MUC22: variants seen among roughly 807,000 people sequenced by gnomAD.
The protein encoded by MUC22 is mucin-22.
A neutral mutation model predicts 40.3 loss-of-function variants in MUC22; 24 were observed. That is an observed-to-expected ratio of 0.60 (90% CI 0.43 to 0.84). The LOEUF (loss-of-function observed/expected upper bound fraction) is 0.84. Ranked by LOEUF, MUC22 falls within the 40% of genes least tolerant of loss-of-function variation. The pLI is 0.00. For synonymous variants in MUC22, 765 were observed against 844.5 expected (o/e 0.91, Z 1.63); for missense variants, 1,926 against 2,130.7 (o/e 0.90, Z 1.89).
Position 31,026,177 on chromosome 6 carries a change from C to T in MUC22, c.746C>T (p.Thr249Met), listed in dbSNP as rs114609447. Residue 249 changes from threonine to methionine, a missense_variant, in exon 2 of 4, where the codon ACG (threonine) becomes ATG (methionine). This residue lies in a region of MUC22 where 1,281 missense variants were observed against 1,337.8 expected (regional missense o/e 0.96). Coordinates refer to ENST00000561890, the Ensembl canonical transcript of MUC22. ...TCAACTGCAGACTCCAAGGTGATCA[C>T]GGCATCCAGCATGAGCTCTGAGACC... The T allele has an allele frequency of 3.5e-3, 5,389 of 1,523,976 alleles. 48 individuals are homozygous for T. Among genetic ancestry groups the T allele is most frequent in the African/African-American group, 0.025 (1,836 of 72,624 alleles). 94.4% of individuals were successfully genotyped at this position (1,523,976 alleles called of 1,614,324 possible).
At chr6:31,016,883 CTG>C (rs142706850) in intron 1 of MUC22, among the ~76,000 whole-genome samples, 1,768 of 152,344 alleles carry the variant, frequency 0.012, 30 homozygotes, top group African/African-American at 0.038. Flanking sequence ...GCCCCACACT[CTG>C]AGCCTCGGGC....
At chr6:31,013,944 C>G (rs1426174107) in intron 1 of MUC22, among the ~76,000 whole-genome samples, 1 of 152,126 alleles carries the variant, frequency 6.6e-6, no homozygotes, top group Non-Finnish European at 1.5e-5. Context: ...TTAGGTTAGA[C>G]CACTCCCCCT....
At chr6:31,026,234 C>T (rs1395114244) in exon 2 of MUC22, 1 of 1,529,746 alleles carries the variant, frequency 6.5e-7, no homozygotes, top group Non-Finnish European at 8.8e-7. Context: ...TCTAACACCA[C>T]CACAGCCTCT....
At chr6:31,014,309 A>T (rs7755631) in intron 1 of MUC22, among the ~76,000 whole-genome samples, 58,372 of 151,712 alleles carry the variant, frequency 0.38, 11,415 homozygotes, top group East Asian at 0.47. Context: ...GTCTTTTCCA[A>T]ACACATGAGG....
chr6:31,030,176 A>G, intron 2 of MUC22, 76 bp downstream of exon 2: 29 of 1,408,080 alleles, frequency 2.1e-5, no homozygotes, highest in Non-Finnish European at 2.6e-5. Context: ...ACCTGTTTCT[A>G]TCATCTCTGC....
In MUC22 at chr6:31,012,788, C is replaced by T. The variant is rs537922722; in HGVS notation, c.70+2012C>T. ...ACTCCTCCATCTGAATGCTGGGCGC[C>T]GTCTCACCCTCCTGCCGTCTCAGGG... is the stretch of plus-strand genomic sequence containing the variant. On this transcript the variant is annotated intron_variant, in intron 1 of 3. Coordinates refer to ENST00000561890, the Ensembl canonical transcript of MUC22. 4.1e-4 allele frequency among the ~76,000 whole-genome samples: 49 copies of T among 120,408 alleles called. No homozygotes were observed. In the South Asian group the frequency reaches 5.5e-3, roughly 14 times the overall value. The allele number at this position is 120,408 out of a possible 152,430, so 79.0% of individuals were successfully genotyped here.
At chr6:31,034,886 A>T in exon 4 of MUC22, 1 of 1,535,516 alleles carries the variant, frequency 6.5e-7, no homozygotes. Context: ...ATCCATGGAG[A>T]TGGCTACGGA....
At chr6:31,019,553 G>A (rs1764516697) in intron 1 of MUC22, among the ~76,000 whole-genome samples, 1 of 152,206 alleles carries the variant, frequency 6.6e-6, no homozygotes, top group African/African-American at 2.4e-5. Flanking sequence ...CCCAGAGAAG[G>A]ATATAAGAAA....
At chr6:31,026,426 G>T (rs573230928) in exon 2 of MUC22, 1 of 1,503,656 alleles carries the variant, frequency 6.7e-7, no homozygotes, top group South Asian at 1.2e-5. Context: ...ACAGTCTCTA[G>T]TGCAGGCTCT....
intron 1 of MUC22, among the ~76,000 whole-genome samples, chr6:31,022,317 A>G (rs1298738912): frequency 2.0e-5 from 3 of 152,136 alleles, no homozygotes; most frequent in East Asian, 3.9e-4. Flanking sequence ...AATTAGCCAC[A>G]CCATGCCTGG....
In MUC22 at chr6:31,032,709, A is replaced by G; in HGVS notation, c.5055+128A>G. 4.0e-6 allele frequency: 4 copies of G among 1,011,598 alleles called. No individual in the cohort carries two copies. Among genetic ancestry groups the G allele is most frequent in the Non-Finnish European group, 5.6e-6 (4 of 710,850 alleles). The allele number at this position is 1,011,598 out of a possible 1,614,324, so 62.7% of individuals were successfully genotyped here. On this transcript the variant is annotated intron_variant, in intron 3 of 3. Coordinates refer to ENST00000561890, the Ensembl canonical transcript of MUC22. The surrounding 1 kb of genome is among the most constrained non-coding windows in gnomAD (Gnocchi z 4.1). Reference sequence around the variant, plus strand: ...TTGGTGCGCTCAGAAGGAAAGAATCACCTAGCCTGATATAAGGACCAGAGA... The same window carrying G: ...TTGGTGCGCTCAGAAGGAAAGAATCGCCTAGCCTGATATAAGGACCAGAGA...
chr6:31,035,153 C>A (rs1766363211), exon 4 of MUC22: 1 of 559,670 alleles, frequency 1.8e-6, no homozygotes, highest in Non-Finnish European at 3.1e-6. Context: ...AAGAAAAGAA[C>A]CAGCAAAAGG....
intron 1 of MUC22, among the ~76,000 whole-genome samples, chr6:31,024,289 G>C (rs1765096659): frequency 6.6e-6 from 1 of 152,078 alleles, no homozygotes; most frequent in Admixed American, 6.5e-5. Flanking sequence ...AACTTGAAAG[G>C]GATCTAAGGA....
exon 2 of MUC22, chr6:31,025,590 GGCCTCTACTTCGGCCTTAACTACA>G (rs1765214605): frequency 2.7e-6 from 4 of 1,500,648 alleles, no homozygotes; most frequent in Admixed American, 4.2e-5. Context: ...CCTCCACCAT[GGCCTCTACTTCGGCCTTAACTACA>G]GGCTCTAAGA....
At chr6:31,008,562 T>A (rs571214888), upstream of MUC22, among the ~76,000 whole-genome samples, 39 of 151,204 alleles carry the variant, frequency 2.6e-4, no homozygotes, top group Admixed American at 6.6e-4. Flanking sequence ...CTTTTTTTTT[T>A]TTTTGAGACG....
At chr6:31,021,506 G>A (rs902911712) in intron 1 of MUC22, among the ~76,000 whole-genome samples, 5 of 149,978 alleles carry the variant, frequency 3.3e-5, no homozygotes, top group Non-Finnish European at 1.5e-5. Context: ...TCTAGCTCAG[G>A]GATTGTAAAT....
intron 1 of MUC22, among the ~76,000 whole-genome samples, chr6:31,014,542 C>G (rs888403170): frequency 1.3e-5 from 2 of 152,154 alleles, no homozygotes; most frequent in Non-Finnish European, 2.9e-5. Flanking sequence ...GCATCACTTT[C>G]TCTAGAAGCT....
chr6:31,028,249 G>C (rs1487036441), exon 2 of MUC22: 1 of 1,532,578 alleles, frequency 6.5e-7, no homozygotes, highest in Non-Finnish European at 8.7e-7. Context: ...AGTCTCTACT[G>C]AAGGCTCTGG....
At chr6:31,019,582 G>A (rs1239629116) in intron 1 of MUC22, among the ~76,000 whole-genome samples, 3 of 152,220 alleles carry the variant, frequency 2.0e-5, no homozygotes, top group East Asian at 1.9e-4. Context: ...GGCCGGGTGC[G>A]GTGGCTCACG....
Sources: gnomAD v4.1 joint callset for allele counts (sites outside exome capture counted in the v4.1 genomes callset) on GRCh38, gnomAD v4.1.1 for gene constraint, gnomAD v4.1.1 regional missense constraint, Gnocchi (gnomAD v3.1) non-coding constraint, MANE v1.5 for transcripts, NCBI Gene and HGNC (gene_info 2026-07-23, HGNC 2026-07-21) for gene names.